Variants in LCORL observed in about 807,000 individuals in gnomAD.
LCORL encodes the protein ligand dependent nuclear receptor corepressor like.
In LCORL, 41 loss-of-function variants were observed where a neutral mutation model predicts 141.8. That is an observed-to-expected ratio of 0.29 (90% CI 0.23 to 0.38). The LOEUF (loss-of-function observed/expected upper bound fraction) is 0.38. Ranked by LOEUF, LCORL falls within the 10% of genes least tolerant of loss-of-function variation. The pLI, the probability that LCORL is intolerant of heterozygous loss-of-function variation, is 1.00. For missense variants in LCORL, 1,759 were observed against 2,035.0 expected (o/e 0.86, Z 2.61); for synonymous variants, 618 against 694.1 (o/e 0.89, Z 1.72).
At chr4:17,961,301 T>A (rs1410339306) in intron 4 of LCORL, among the ~76,000 whole-genome samples, 1 of 151,990 alleles carries the variant, frequency 6.6e-6, no homozygotes, top group Non-Finnish European at 1.5e-5. Flanking sequence ...AACTAAAATA[T>A]AAAAACTACT....
intron 7 of LCORL, among the ~76,000 whole-genome samples, chr4:17,865,706 A>G (rs1577278958): frequency 6.6e-6 from 1 of 152,166 alleles, no homozygotes; most frequent in African/African-American, 2.4e-5. Flanking sequence ...GTGGTTCTCA[A>G]AGTGTACTTC....
At chr4:17,959,247 T>C (rs1713305147) in intron 4 of LCORL, among the ~76,000 whole-genome samples, 1 of 152,032 alleles carries the variant, frequency 6.6e-6, no homozygotes, top group Non-Finnish European at 1.5e-5. Flanking sequence ...AGTTCCTCTC[T>C]AGTCTGCTTA....
intron 7 of LCORL, among the ~76,000 whole-genome samples, chr4:17,869,044 C>CT (rs571368298): frequency 0.13 from 17,561 of 133,954 alleles, 1,381 homozygotes; most frequent in South Asian, 0.28. Context: ...TTCCCACTAC[C>CT]TTTTTTTTTT....
rs142320092 is a variant in LCORL at position 17,894,623 on chromosome 4, C to T, written c.683-8462G>A. 6.6e-3 allele frequency among the ~76,000 whole-genome samples: 999 copies of T among 152,232 alleles called. 15 individuals are homozygous for T. Among genetic ancestry groups the T allele is most frequent in the African/African-American group, 0.023 (961 of 41,522 alleles). On this transcript the variant is annotated intron_variant, in intron 5 of 7. Transcript: ENST00000635767. ...TAATGTCCAGCTTAATAGAAAACAG[C>T]TGAATTCTCACATCTGCTTCTGCAT... is the stretch of plus-strand genomic sequence containing the variant.
chr4:17,912,780 A>C (rs1732784752), intron 4 of LCORL: 1 of 421,730 alleles, frequency 2.4e-6, no homozygotes, highest in African/African-American at 2.0e-5. Flanking sequence ...CAGGCCCAGG[A>C]GTACGAGGTC....
chr4:17,883,663 C>T (rs1265538526), intron 6 of LCORL: 2 of 1,424,272 alleles, frequency 1.4e-6, no homozygotes, highest in Middle Eastern at 2.4e-4. Flanking sequence ...TGCACATACA[C>T]ACACACGCAA....
chr4:17,854,722 A>C (rs1724155913), intron 7 of LCORL, among the ~76,000 whole-genome samples: 1 of 152,158 alleles, frequency 6.6e-6, no homozygotes, highest in Non-Finnish European at 1.5e-5. Flanking sequence ...TTTTTCTCAA[A>C]ATTTTCCTTT....
intron 4 of LCORL, among the ~76,000 whole-genome samples, chr4:17,913,717 ATCAGG>A (rs1166889331): frequency 6.6e-6 from 1 of 152,226 alleles, no homozygotes; most frequent in Non-Finnish European, 1.5e-5. Context: ...ATGGGAAATC[ATCAGG>A]CGTCCACCTT....
At chr4:17,860,615 T>C (rs567638580) in intron 7 of LCORL, among the ~76,000 whole-genome samples, 45 of 152,290 alleles carry the variant, frequency 3.0e-4, no homozygotes, top group African/African-American at 1.0e-3. Flanking sequence ...AAACCAATCA[T>C]GCCTTCCCAA....
At chr4:17,860,083 T>C (rs1724826008) in intron 7 of LCORL, among the ~76,000 whole-genome samples, 1 of 152,088 alleles carries the variant, frequency 6.6e-6, no homozygotes, top group African/African-American at 2.4e-5. Flanking sequence ...ATTTTAGAGA[T>C]TCAATGCTAT....
intron 2 of LCORL, among the ~76,000 whole-genome samples, chr4:17,972,079 A>AT (rs1194330176): frequency 6.6e-6 from 1 of 151,784 alleles, no homozygotes; most frequent in Non-Finnish European, 1.5e-5. Context: ...GCTCTATTTA[A>AT]TTTTGAAAAC....
At chr4:17,934,795 G>A (rs1488012285) in intron 4 of LCORL, among the ~76,000 whole-genome samples, 96 of 152,142 alleles carry the variant, frequency 6.3e-4, no homozygotes, top group Admixed American at 6.2e-3. Flanking sequence ...TTTACTACTA[G>A]TGAGCAAGTA....
intron 4 of LCORL, among the ~76,000 whole-genome samples, chr4:17,914,125 A>T (rs1189648992): frequency 6.6e-6 from 1 of 152,266 alleles, no homozygotes; most frequent in Non-Finnish European, 1.5e-5. Context: ...TTATCAAAAC[A>T]AGAAATATCC....
chr4:17,860,571 TG>T (rs1363661072), intron 7 of LCORL, among the ~76,000 whole-genome samples: 2 of 152,154 alleles, frequency 1.3e-5, no homozygotes, highest in Non-Finnish European at 2.9e-5. Flanking sequence ...ATTTTGCTCC[TG>T]GTCCCTCCCA....
chr4:17,886,190 A>T, intron 5 of LCORL, 29 bp from the exon 6 acceptor site: 1 of 1,134,236 alleles, frequency 8.8e-7, no homozygotes. Context: ...AAAAAACTTT[A>T]TATTTGCAAC....
At chr4:17,982,244 G>C (rs1226933254) in intron 1 of LCORL, among the ~76,000 whole-genome samples, 1 of 152,042 alleles carries the variant, frequency 6.6e-6, no homozygotes, top group African/African-American at 2.4e-5. Context: ...ACATATGCGT[G>C]CATGTGTCTT....
rs1197337680 is a variant in LCORL, at chr4:17,909,169, T to G, written c.607A>C (p.Asn203His). ...CCTTCCTGCTCTTCCTGAAGGGAGT[T>G]TTCTGCTTGATTCATTTGGATACTT... The change falls in exon 5 of 8, where the codon AAC becomes CAC. Residue 203 changes from asparagine (N) to histidine (H), a missense_variant. Transcript: ENST00000635767. 4 of 1,613,384 alleles carry G rather than the reference T, an allele frequency of 2.5e-6. No homozygotes were observed. In the South Asian group the frequency reaches 3.3e-5, roughly 13 times the overall value.
exon 7 of LCORL, chr4:17,875,907 G>C: frequency 8.1e-7 from 1 of 1,231,182 alleles, no homozygotes; most frequent in Non-Finnish European, 1.0e-6. Context: ...TCTTTGAAAA[G>C]TATCAGTATC....
intron 1 of LCORL, among the ~76,000 whole-genome samples, chr4:17,990,738 C>G (rs1398545401): frequency 6.6e-6 from 1 of 150,498 alleles, no homozygotes. Context: ...AGCATCTCCA[C>G]AAAGGGCCTC....
Sources: gnomAD v4.1 joint callset for allele counts (sites outside exome capture counted in the v4.1 genomes callset) on GRCh38, gnomAD v4.1.1 for gene constraint, MANE v1.5 for transcripts, NCBI Gene and HGNC (gene_info 2026-07-23, HGNC 2026-07-21) for gene names.